Variants in ZAR1 observed in about 807,000 individuals in gnomAD.
ZAR1 encodes zygote arrest 1, also known as zygote arrest protein 1.
ZAR1 carries 37 observed loss-of-function variants against 38.3 expected under a neutral mutation model. The observed-to-expected ratio is 0.97, with a 90% CI of 0.74 to 1.27. The LOEUF is 1.27. ZAR1 is among the 50% of genes most tolerant of loss of function. ZAR1 has a pLI of 0.00. For missense variants in ZAR1, 651 were observed against 632.4 expected (o/e 1.03, Z -0.32); for synonymous variants, 336 against 292.0 (o/e 1.15, Z -1.53).
In ZAR1 at chr4:48,491,176, C is replaced by T; in HGVS notation, c.885C>T (p.Asp295=). 4.0e-6 allele frequency: 5 copies of T among 1,238,630 alleles called. No individual in the cohort carries two copies. The highest frequency in any genetic ancestry group is 5.0e-6 in the Non-Finnish European group (5 of 992,994). The allele number at this position is 1,238,630 out of a possible 1,614,324, so 76.7% of individuals were successfully genotyped here. The change falls in exon 1 of 4, where the codon GAC becomes GAT. Residue 295 remains aspartate (D), a synonymous_variant. Coordinates refer to ENST00000327939, the MANE Select transcript of ZAR1 (RefSeq NM_175619.3). Reference sequence around the variant, plus strand: ...CGGGGAGGGCCCGAGACGGCGGCGACGGACGGGAGGCGGCCGTCGCGGGAG... The same window carrying T: ...CGGGGAGGGCCCGAGACGGCGGCGATGGACGGGAGGCGGCCGTCGCGGGAG... ...PSAGRARDGG[D]GREAAVAGEG...
At chr4:48,492,717 G>A in intron 1 of ZAR1, 49 bp from the exon 2 acceptor site, 1 of 1,547,928 alleles carries the variant, frequency 6.5e-7, no homozygotes, top group Non-Finnish European at 8.9e-7. Context: ...CTGAAATGAA[G>A]GATAATTCAG....
chr4:48,492,156 A>ACTGCG (rs1289137509), intron 1 of ZAR1, among the ~76,000 whole-genome samples: 1 of 152,210 alleles, frequency 6.6e-6, no homozygotes, highest in Non-Finnish European at 1.5e-5. Flanking sequence ...AGGTGAGCAG[A>ACTGCG]CTGAATTAAG....
At chr4:48,497,478 C>G (rs1267723631), downstream of ZAR1, 1 of 152,566 alleles carries the variant, frequency 6.6e-6, no homozygotes, top group Non-Finnish European at 1.5e-5. Context: ...TTGTTCTTTT[C>G]TAGGGCAATT....
intron 1 of ZAR1, among the ~76,000 whole-genome samples, chr4:48,492,369 T>C (rs1224149973): frequency 6.6e-6 from 1 of 152,248 alleles, no homozygotes; most frequent in Non-Finnish European, 1.5e-5. Context: ...TGATCTTGGG[T>C]GAACCTTTAA....
Position 48,494,247 on chromosome 4 carries a change from G to C in ZAR1, c.*3G>C, listed in dbSNP as rs761748274. 27 of 1,613,994 alleles carry C rather than the reference G, an allele frequency of 1.7e-5. No homozygotes were observed. The highest frequency in any genetic ancestry group is 2.2e-5 in the Non-Finnish European group (26 of 1,180,012). ...TCAGCTTCAAATACATCATTTAGGTGAAAGTCAGTGTTGCTGTGCATGCGC... is the reference window on the plus strand; with the variant it reads ...TCAGCTTCAAATACATCATTTAGGTCAAAGTCAGTGTTGCTGTGCATGCGC... On this transcript the variant is annotated 3_prime_UTR_variant, in exon 4 of 4. Coordinates refer to ENST00000327939, the MANE Select transcript of ZAR1 (RefSeq NM_175619.3).
At position 48,494,202 on chromosome 4, in the gene ZAR1, C is replaced by T; in HGVS notation, c.1233C>T (p.Arg411=). 1 of 1,614,210 alleles carries T rather than the reference C, an allele frequency of 6.2e-7. No individual in the cohort carries two copies. Among genetic ancestry groups the T allele is most frequent in the Non-Finnish European group, 8.5e-7 (1 of 1,180,046 alleles). ...TGTGCGGTAGATGCAAAGGCAAACG[C>T]CTGTCCTGTGACAGCACTTTCAGCT... The part of the protein sequence containing the change: ...QDLCGRCKGK[R]LSCDSTFSFK... The change falls in exon 4 of 4, where the codon CGC becomes CGT. Residue 411 remains arginine (R), a synonymous_variant. Transcript: ENST00000327939.
At chr4:48,493,141 G>A (rs1301546076) in intron 3 of ZAR1, 129 bp downstream of exon 3, 3 of 766,240 alleles carry the variant, frequency 3.9e-6, no homozygotes, top group African/African-American at 1.8e-5. Flanking sequence ...TGTTAGGAGT[G>A]GTAGAAACAA....
chr4:48,494,063 TTA>T, intron 3 of ZAR1, 36 bp from the exon 4 acceptor site: 10 of 1,601,480 alleles, frequency 6.2e-6, no homozygotes, highest in Non-Finnish European at 7.7e-6. Flanking sequence ...CACTAAGGGT[TTA>T]TCTTCTGCAT....
intron 1 of ZAR1, 93 bp from the exon 2 acceptor site, chr4:48,492,673 C>T: frequency 2.3e-6 from 3 of 1,292,772 alleles, no homozygotes; most frequent in African/African-American, 1.5e-5. Context: ...CTGAAGTTGC[C>T]AATTTCAAAT....
chr4:48,494,446 G>T (rs983885853), downstream of ZAR1: 6 of 638,944 alleles, frequency 9.4e-6, no homozygotes, highest in African/African-American at 1.8e-5. Context: ...CGCTTGTCTT[G>T]TGCTAACAGT....
chr4:48,495,449 A>G (rs1718559736), downstream of ZAR1, among the ~76,000 whole-genome samples: 1 of 152,190 alleles, frequency 6.6e-6, no homozygotes, highest in Admixed American at 6.5e-5. Context: ...TCAAGGGGAA[A>G]GGCCCACCTG....
In ZAR1 at chr4:48,490,511, T is replaced by C; in HGVS notation, c.220T>C (p.Tyr74His). ...PGCGRLTAAE[Y>H]FDSYQRERLM... ...CTGCGGGCGGCTGACGGCCGCCGAG[T>C]ACTTCGACAGCTACCAGCGGGAGCG... is the stretch of plus-strand genomic sequence containing the variant. Residue 74 changes from tyrosine (Y) to histidine (H), a missense_variant, in exon 1 of 4, where the codon TAC becomes CAC. Coordinates refer to ENST00000327939, the MANE Select transcript of ZAR1 (RefSeq NM_175619.3). 1 of 1,473,394 alleles carries C rather than the reference T, an allele frequency of 6.8e-7. No homozygotes were observed. Among genetic ancestry groups the C allele is most frequent in the Non-Finnish European group, 8.9e-7 (1 of 1,121,490 alleles). 91.3% of individuals were successfully genotyped at this position (1,473,394 alleles called of 1,614,324 possible). A position where few individuals can be genotyped will look rare whatever the true frequency, so the allele number is the denominator to read the frequency against.
intron 3 of ZAR1, 151 bp from the exon 4 acceptor site, chr4:48,493,950 A>C: frequency 2.3e-6 from 2 of 876,496 alleles, no homozygotes; most frequent in Non-Finnish European, 3.4e-6. Context: ...ATTGCTACGT[A>C]GGTAGGGATG....
rs1009545904 is a variant in ZAR1, at chr4:48,490,433, C to T, written c.142C>T (p.Leu48Phe). The T allele has an allele frequency of 6.8e-6, 10 of 1,476,162 alleles. No homozygotes were observed. Among genetic ancestry groups the T allele is most frequent in the African/African-American group, 1.5e-5 (1 of 68,140 alleles). The allele number at this position is 1,476,162 out of a possible 1,614,324, so 91.4% of individuals were successfully genotyped here. A position where few individuals can be genotyped will look rare whatever the true frequency, so the allele number is the denominator to read the frequency against. The change falls in exon 1 of 4, where the codon CTT becomes TTT. Residue 48 changes from leucine to phenylalanine, a missense_variant. Physicochemically the swap from Leu to Phe is conservative, Grantham distance 22. Around this residue, in one of 2 missense-constraint regions of ZAR1, gnomAD observed 522 missense variants for 459.9 expected, o/e 1.14. Transcript: ENST00000327939. The part of the protein sequence containing the change: ...GSWQQRGRGC[L>F]PASSPCSAGA... ...CTGGCAGCAGCGCGGCAGGGGCTGC[C>T]TTCCCGCCTCCTCCCCCTGCTCGGC... is the stretch of plus-strand genomic sequence containing the variant.
In ZAR1 at chr4:48,490,519, C is replaced by A. The variant is rs1476712439; in HGVS notation, c.228C>A (p.Asp76Glu). The change falls in exon 1 of 4, where the codon GAC (aspartate) becomes GAA (glutamate). Residue 76 changes from aspartate (D) to glutamate (E), a missense_variant. This residue lies in a region of ZAR1 where 522 missense variants were observed against 459.9 expected (regional missense o/e 1.14). Coordinates refer to ENST00000327939, the MANE Select transcript of ZAR1 (RefSeq NM_175619.3). ...CGRLTAAEYF[D>E]SYQRERLMAL... is the part of the protein sequence containing the mutation. The stretch of plus-strand genomic sequence containing the variant: ...GGCTGACGGCCGCCGAGTACTTCGA[C>A]AGCTACCAGCGGGAGCGGCTCATGG... 7.5e-6 allele frequency: 11 copies of A among 1,474,104 alleles called. No individual in the cohort carries two copies. The African/African-American group carries it at 1.3e-4, about 18-fold the overall frequency. The allele number at this position is 1,474,104 out of a possible 1,614,324, so 91.3% of individuals were successfully genotyped here.
intron 3 of ZAR1, among the ~76,000 whole-genome samples, 197 bp downstream of exon 3, chr4:48,493,209 CTGT>C (rs1227762144): frequency 1.3e-5 from 2 of 152,176 alleles, no homozygotes; most frequent in East Asian, 1.9e-4. Flanking sequence ...GCAAATCTTG[CTGT>C]TGTTAACCTC....
downstream of ZAR1, chr4:48,494,402 A>G: frequency 3.3e-6 from 3 of 922,660 alleles, no homozygotes; most frequent in Non-Finnish European, 4.8e-6. Context: ...TATACATTGC[A>G]TAAAATCTGT....
At chr4:48,492,696 C>T (rs1264672427) in intron 1 of ZAR1, 70 bp from the exon 2 acceptor site, 4 of 1,486,556 alleles carry the variant, frequency 2.7e-6, no homozygotes, top group Non-Finnish European at 3.7e-6. Flanking sequence ...CAAGTAGATC[C>T]TTCCCAACGT....
At chr4:48,491,298 G>A (rs1718435449) in intron 1 of ZAR1, 44 bp downstream of exon 1, 3 of 1,218,782 alleles carry the variant, frequency 2.5e-6, no homozygotes, top group East Asian at 6.3e-5. Context: ...CCGGGGGTGC[G>A]GGTGTCTTCC....
Sources: gnomAD v4.1 joint callset for allele counts (sites outside exome capture counted in the v4.1 genomes callset) on GRCh38, gnomAD v4.1.1 for gene constraint, gnomAD v4.1.1 regional missense constraint, MANE v1.5 for transcripts, NCBI Gene and HGNC (gene_info 2026-07-23, HGNC 2026-07-21) for gene names.